JAK1: variants seen among roughly 807,000 people sequenced by gnomAD.
The protein encoded by JAK1 is Janus kinase 1.
Under a neutral mutation model 136.6 loss-of-function variants are expected in JAK1, and 16 were observed. That is an observed-to-expected ratio of 0.12 (90% confidence interval 0.08 to 0.18). The LOEUF is 0.18. JAK1 is among the 10% of genes least tolerant of loss of function. The pLI is 1.00. For missense variants in JAK1, 859 were observed against 1,450.1 expected (o/e 0.59, Z 6.62); for synonymous variants, 492 against 519.5 (o/e 0.95, Z 0.72).
chr1:64,893,254 G>A (rs116206473), intron 1 of JAK1, among the ~76,000 whole-genome samples: 367 of 152,286 alleles, frequency 2.4e-3, no homozygotes, highest in African/African-American at 8.4e-3. Flanking sequence ...GCAAGGAAAG[G>A]AGGGGAGGGT....
At chr1:64,926,509 G>A (rs954973386) in intron 1 of JAK1, among the ~76,000 whole-genome samples, 24 of 151,674 alleles carry the variant, frequency 1.6e-4, no homozygotes, top group Non-Finnish European at 2.8e-4. Flanking sequence ...CAGTATACAC[G>A]GCCCTTCCCT....
At chr1:64,847,977 A>G in intron 12 of JAK1, 1 of 293,096 alleles carries the variant, frequency 3.4e-6, no homozygotes, top group Non-Finnish European at 6.4e-6. Context: ...AGGACACTGC[A>G]AACAGGGCCA....
chr1:64,869,308 T>C lies in JAK1; in HGVS notation c.647+3A>G, dbSNP rs371450360. On this transcript the variant is annotated splice_donor_region_variant and intron_variant, in intron 6 of 24. Transcript: ENST00000342505. ...CAATTCTTCAGCCAGTGGGAAGCTTTACCTGATGTCCTTGGGCAGTTCTGG... is the reference window on the plus strand; with the variant it reads ...CAATTCTTCAGCCAGTGGGAAGCTTCACCTGATGTCCTTGGGCAGTTCTGG... 9.9e-6 allele frequency: 16 copies of C among 1,613,484 alleles called. No homozygotes were observed. Among genetic ancestry groups the C allele is most frequent in the Non-Finnish European group, 1.3e-5 (15 of 1,179,630 alleles).
At chr1:64,948,057 A>G (rs1646019490) in intron 1 of JAK1, among the ~76,000 whole-genome samples, 1 of 152,232 alleles carries the variant, frequency 6.6e-6, no homozygotes, top group African/African-American at 2.4e-5. Flanking sequence ...ATTAAATCCA[A>G]GAACAGGAGG....
rs938643766 is a variant in JAK1, at chr1:64,975,099, C to T, written c.-78+69381G>A. ...TAATTTTGTATAGTTTTTTTTTTTTCCTTTTAGAATCAGGGATCTCACTAC... is the reference window on the plus strand; with the variant it reads ...TAATTTTGTATAGTTTTTTTTTTTTTCTTTTAGAATCAGGGATCTCACTAC... On this transcript the variant is annotated intron_variant, in intron 2 of 25. Coordinates refer to the JAK1 transcript ENST00000671954. 2.1e-4 allele frequency among the ~76,000 whole-genome samples: 29 copies of T among 137,780 alleles called. 4 individuals carry two copies. The highest frequency in any genetic ancestry group is 3.6e-4 in the Admixed American group (5 of 13,726). 90.4% of individuals were successfully genotyped at this position (137,780 alleles called of 152,430 possible).
chr1:64,930,195 T>C (rs1570796609), intron 1 of JAK1, among the ~76,000 whole-genome samples: 2 of 152,256 alleles, frequency 1.3e-5, no homozygotes, highest in East Asian at 1.9e-4. Flanking sequence ...CAAAAGAAAC[T>C]ATCATCAGAG....
chr1:65,051,453 T>G (rs1348642561), intron 1 of JAK1, among the ~76,000 whole-genome samples: 4 of 152,170 alleles, frequency 2.6e-5, no homozygotes, highest in African/African-American at 9.6e-5. Flanking sequence ...GCACTCCTCC[T>G]CAGTCTGATG....
chr1:64,840,234 T>C (rs1455115518), intron 19 of JAK1, among the ~76,000 whole-genome samples: 1 of 152,060 alleles, frequency 6.6e-6, no homozygotes, highest in Admixed American at 6.5e-5. Flanking sequence ...GCGACAGTGG[T>C]GGCCAAGTCC....
chr1:64,849,612 T>A (rs781244932), intron 12 of JAK1, among the ~76,000 whole-genome samples: 58 of 152,246 alleles, frequency 3.8e-4, no homozygotes, highest in Non-Finnish European at 4.0e-4. Context: ...TGACTCTTGC[T>A]AACGTGATTA....
intron 1 of JAK1, among the ~76,000 whole-genome samples, chr1:64,937,858 G>A (rs946832520): frequency 4.6e-5 from 7 of 152,014 alleles, no homozygotes; most frequent in Non-Finnish European, 8.8e-5. Flanking sequence ...CACTGTAAAA[G>A]TTTCTTGAAC....
intron 1 of JAK1, among the ~76,000 whole-genome samples, chr1:65,063,995 A>C (rs924219540): frequency 5.3e-5 from 8 of 152,160 alleles, no homozygotes; most frequent in Non-Finnish European, 8.8e-5. Flanking sequence ...TATATCTAAA[A>C]TATTATCATC....
At chr1:64,900,452 G>A (rs1027548582) in intron 1 of JAK1, among the ~76,000 whole-genome samples, 1 of 152,144 alleles carries the variant, frequency 6.6e-6, no homozygotes, top group Non-Finnish European at 1.5e-5. Flanking sequence ...AGCATTTCAT[G>A]AAGAGAAGAA....
chr1:65,049,103 G>C (rs2100853981), intron 1 of JAK1, among the ~76,000 whole-genome samples: 1 of 152,306 alleles, frequency 6.6e-6, no homozygotes, highest in South Asian at 2.1e-4. Flanking sequence ...TCCAGGGGCA[G>C]CTGTAACCAC....
At position 64,866,952 on chromosome 1, in the gene JAK1, A is replaced by G. The variant is rs1656743488; in HGVS notation, c.904T>C (p.Phe302Leu). The G allele has an allele frequency of 1.9e-6, 3 of 1,614,112 alleles. No individual in the cohort carries two copies. The African/African-American group carries it at 4.0e-5, about 22-fold the overall frequency. The change falls in exon 7 of 25, where the codon TTT becomes CTT. Residue 302 changes from phenylalanine (F) to leucine (L), a missense_variant. Phe to Leu is a conservative substitution (Grantham distance 22, BLOSUM62 0). This residue lies in a region of JAK1 where 353 missense variants were observed against 494.0 expected (regional missense o/e 0.71). Transcript: ENST00000342505. ...LISSENEMNW[F>L]HSNDGGNVLY... Reference sequence around the variant, plus strand: ...ACGTTTCCACCGTCATTCGAATGAAACCAATTCATCTCATTTTCTGATGAA... The same window carrying G: ...ACGTTTCCACCGTCATTCGAATGAAGCCAATTCATCTCATTTTCTGATGAA...
At chr1:64,958,615 T>C (rs1569736104) in intron 1 of JAK1, among the ~76,000 whole-genome samples, 1 of 152,376 alleles carries the variant, frequency 6.6e-6, no homozygotes, top group East Asian at 1.9e-4. Flanking sequence ...CAAACTAGTT[T>C]AATAACAAAA....
chr1:64,956,109 T>C (rs376668713), intron 1 of JAK1, among the ~76,000 whole-genome samples: 10 of 152,258 alleles, frequency 6.6e-5, no homozygotes, highest in Non-Finnish European at 1.5e-4. Flanking sequence ...TATATCTACA[T>C]TGGTGCTACA....
chr1:65,066,584 C>T (rs984045704), intron 1 of JAK1: 2 of 152,114 alleles, frequency 1.3e-5, no homozygotes, highest in Non-Finnish European at 2.9e-5. Flanking sequence ...AAAAATGCCA[C>T]TGACGGACCC....
rs140911331 is a variant in JAK1 at position 64,930,374 on chromosome 1, T to C, written c.-78+35959A>G. ...GACATTTCTCAAAAGAAGACATTTATGTGGCCAACAAACATAGGGGAAAAA... is the reference window on the plus strand; with the variant it reads ...GACATTTCTCAAAAGAAGACATTTACGTGGCCAACAAACATAGGGGAAAAA... On this transcript the variant is annotated intron_variant, in intron 1 of 24. Coordinates refer to ENST00000342505, the MANE Select transcript of JAK1 (RefSeq NM_002227.4). Among the ~76,000 whole-genome samples, 335 of 152,296 alleles carry C rather than the reference T, an allele frequency of 2.2e-3. 3 individuals are homozygous for C. The highest frequency in any genetic ancestry group is 0.014 in the East Asian group (75 of 5,180).
intron 1 of JAK1, among the ~76,000 whole-genome samples, chr1:65,047,521 A>G (rs756352957): frequency 2.0e-5 from 3 of 152,204 alleles, no homozygotes; most frequent in African/African-American, 4.8e-5. Flanking sequence ...GATCGAGACC[A>G]TCCTGGCTAA....
Sources: gnomAD v4.1 joint callset for allele counts (sites outside exome capture counted in the v4.1 genomes callset) on GRCh38, gnomAD v4.1.1 for gene constraint, gnomAD v4.1.1 regional missense constraint, MANE v1.5 for transcripts, NCBI Gene and HGNC (gene_info 2026-07-23, HGNC 2026-07-21) for gene names.